The following FREM1 variants were observed in gnomAD, a reference collection of about 807,000 sequenced individuals.
FREM1 encodes the protein FRAS1 related extracellular matrix 1.
A neutral mutation model predicts 210.1 loss-of-function variants in FREM1; 220 were observed. That is an observed-to-expected ratio of 1.05 (90% CI 0.94 to 1.17). FREM1 has a LOEUF of 1.17. FREM1 is among the 50% of genes most tolerant of loss of function. FREM1 has a pLI of 0.00. For missense variants in FREM1, 3,454 were observed against 2,675.5 expected, an observed-to-expected ratio of 1.29 and a Z score of -6.42; for synonymous variants, 1,189 against 980.2, an observed-to-expected ratio of 1.21 and a Z score of -3.98.
intron 25 of FREM1, among the ~76,000 whole-genome samples, chr9:14,773,707 C>G (rs922197934): frequency 6.6e-6 from 1 of 151,106 alleles, no homozygotes; most frequent in Non-Finnish European, 1.5e-5. Context: ...TCCACAACTT[C>G]CAATAGATAA....
At position 14,825,547 on chromosome 9, in the gene FREM1, G is replaced by GTATATATA. The variant is rs372128983; in HGVS notation, c.1882-563_1882-556dup. ...CATATATATATATATGTGTGTGTGT[G>GTATATATA]TATATATATATATATATATATATAC... On this transcript the variant is annotated intron_variant, in intron 10 of 36. Coordinates refer to ENST00000380880, the MANE Select transcript of FREM1 (RefSeq NM_001379081.2). 1.1e-4 allele frequency among the ~76,000 whole-genome samples: 8 copies of GTATATATA among 75,904 alleles called. 1 individual carries two copies. The highest frequency in any genetic ancestry group is 3.1e-4 in the East Asian group (1 of 3,260). The allele number at this position is 75,904 out of a possible 152,430, so 49.8% of individuals were successfully genotyped here.
intron 2 of FREM1, among the ~76,000 whole-genome samples, chr9:14,867,939 T>C (rs1371781581): frequency 2.0e-5 from 3 of 152,238 alleles, no homozygotes; most frequent in East Asian, 3.9e-4. Flanking sequence ...CCCAATGAAT[T>C]AGGAGGTAAC....
At chr9:14,819,826 T>G (rs988641711) in intron 13 of FREM1, among the ~76,000 whole-genome samples, 1 of 152,186 alleles carries the variant, frequency 6.6e-6, no homozygotes, top group African/African-American at 2.4e-5. Flanking sequence ...GTCTAAAAAA[T>G]ACACAAAATC....
intron 10 of FREM1, among the ~76,000 whole-genome samples, chr9:14,826,098 C>CTT (rs5896650): frequency 0.6 from 81,273 of 135,344 alleles, 26,503 homozygotes; most frequent in East Asian, 0.87. Flanking sequence ...CTTTCTCAAC[C>CTT]TTTTTTTTTT....
intron 1 of FREM1, among the ~76,000 whole-genome samples, chr9:14,879,125 C>G: frequency 6.7e-6 from 1 of 148,644 alleles, no homozygotes. Flanking sequence ...CCACTGTACT[C>G]CAGCCTGGGT....
At chr9:14,879,302 T>G (rs1834362232) in intron 1 of FREM1, among the ~76,000 whole-genome samples, 1 of 115,344 alleles carries the variant, frequency 8.7e-6, no homozygotes, top group Non-Finnish European at 1.6e-5. Flanking sequence ...TCTGTGCCCA[T>G]AACACTGAGG....
intron 1 of FREM1, among the ~76,000 whole-genome samples, chr9:14,872,478 T>C (rs1163165390): frequency 4.6e-5 from 7 of 152,232 alleles, no homozygotes; most frequent in Non-Finnish European, 8.8e-5. Context: ...TTGTCTTTTA[T>C]TGGTGTATAA....
At chr9:14,867,031 T>A (rs1831653261) in intron 2 of FREM1, among the ~76,000 whole-genome samples, 1 of 152,140 alleles carries the variant, frequency 6.6e-6, no homozygotes, top group Non-Finnish European at 1.5e-5. Context: ...GGCTAATTTT[T>A]GTATTTTTAG....
intron 7 of FREM1, among the ~76,000 whole-genome samples, chr9:14,846,492 C>T (rs1169055767): frequency 2.6e-5 from 4 of 152,020 alleles, no homozygotes; most frequent in South Asian, 4.2e-4. Flanking sequence ...CAAACCTACA[C>T]GTTCAGCACA....
intron 16 of FREM1, among the ~76,000 whole-genome samples, chr9:14,811,796 C>G (rs1445719617): frequency 6.6e-6 from 1 of 152,040 alleles, no homozygotes; most frequent in Non-Finnish European, 1.5e-5. Context: ...TGCCTCACTG[C>G]TTGAATCTCT....
chr9:14,802,070 C>T (rs1191055928), intron 19 of FREM1, among the ~76,000 whole-genome samples, 196 bp from the exon 20 acceptor site: 3 of 152,200 alleles, frequency 2.0e-5, no homozygotes, highest in Non-Finnish European at 4.4e-5. Flanking sequence ...ATCTCCCTTA[C>T]ATTTTTTTCT....
rs1225230763 is a variant in FREM1, at chr9:14,910,336, G to A, written c.-690C>T. The A allele has an allele frequency of 6.6e-6, 1 of 152,332 alleles. No homozygotes were observed. Among genetic ancestry groups the A allele is most frequent in the Non-Finnish European group, 1.5e-5 (1 of 68,136 alleles). The allele number at this position is 152,332 out of a possible 1,614,324, so 9.4% of individuals were successfully genotyped here. Reference sequence around the variant, plus strand: ...TAGCCCCGTGCCTTCTGCTGGTTGGGTCCGCAGGGACAAAACTGAGCTTTT... The same window carrying A: ...TAGCCCCGTGCCTTCTGCTGGTTGGATCCGCAGGGACAAAACTGAGCTTTT... On this transcript the variant is annotated 5_prime_UTR_variant, in exon 1 of 37. Coordinates refer to ENST00000380880, the MANE Select transcript of FREM1 (RefSeq NM_001379081.2).
At chr9:14,776,582 T>A (rs761646589) in intron 24 of FREM1, among the ~76,000 whole-genome samples, 3 of 152,264 alleles carry the variant, frequency 2.0e-5, no homozygotes, top group African/African-American at 2.4e-5. Flanking sequence ...TATTTATTTA[T>A]AATTTTTCAA....
At chr9:14,746,835 G>C (rs1018124604) in intron 34 of FREM1, 88 bp downstream of exon 34, 21 of 1,414,258 alleles carry the variant, frequency 1.5e-5, no homozygotes, top group Admixed American at 7.5e-5. Context: ...AGCATGGGTT[G>C]AGTCATGCAC....
At chr9:14,794,011 C>G (rs1000859731) in intron 21 of FREM1, among the ~76,000 whole-genome samples, 5 of 152,048 alleles carry the variant, frequency 3.3e-5, no homozygotes, top group African/African-American at 1.2e-4. Flanking sequence ...AAACGGGAAG[C>G]CAATGTCATT....
At chr9:14,767,804 C>G (rs1300118011) in intron 27 of FREM1, among the ~76,000 whole-genome samples, 1 of 152,056 alleles carries the variant, frequency 6.6e-6, no homozygotes, top group Non-Finnish European at 1.5e-5. Flanking sequence ...AAGAAAATAG[C>G]CTAATATATG....
rs1820872169 is a variant in FREM1 at position 14,819,413 on chromosome 9, C to T, written c.2367G>A (p.Glu789=). The part of the protein sequence containing the change: ...EAFTNPLKVT[E]GGQSIISTEH... The stretch of plus-strand genomic sequence containing the variant: ...CTGTGCTGATGATGCTTTGACCTCC[C>T]TCAGTCACTTTCAGAGGGTTGGTGA... Residue 789 remains glutamate, a synonymous_variant, in exon 14 of 37, where the codon GAG becomes GAA. Coordinates refer to ENST00000380880, the MANE Select transcript of FREM1 (RefSeq NM_001379081.2). 6.2e-7 allele frequency: 1 copy of T among 1,613,092 alleles called. No homozygotes were observed. Among genetic ancestry groups the T allele is most frequent in the Non-Finnish European group, 8.5e-7 (1 of 1,179,366 alleles).
chr9:14,856,259 G>A (rs1217387081), intron 5 of FREM1, among the ~76,000 whole-genome samples: 4 of 152,164 alleles, frequency 2.6e-5, no homozygotes, highest in Admixed American at 1.3e-4. Context: ...TTAAGTGGAC[G>A]TTTGAACCCA....
Position 14,860,882 on chromosome 9 carries a change from TAC to T in FREM1, c.330-1400_330-1399del, listed in dbSNP as rs1204069422. Among the ~76,000 whole-genome samples the T allele has an allele frequency of 9.6e-3, 796 of 82,514 alleles. 88 individuals carry two copies. The highest frequency in any genetic ancestry group is 0.013 in the Non-Finnish European group (594 of 44,062). 54.1% of individuals were successfully genotyped at this position (82,514 alleles called of 152,430 possible). On this transcript the variant is annotated intron_variant, in intron 3 of 36. Transcript: ENST00000380880. The stretch of plus-strand genomic sequence containing the variant: ...ATATACACATATATATACGTATATA[TAC>T]ACATATATACATATATACACATATA...
Sources: gnomAD v4.1 joint callset for allele counts (sites outside exome capture counted in the v4.1 genomes callset) on GRCh38, gnomAD v4.1.1 for gene constraint, MANE v1.5 for transcripts, NCBI Gene and HGNC (gene_info 2026-07-23, HGNC 2026-07-21) for gene names.